Variants in UBXN2A observed in about 807,000 individuals in gnomAD.
The protein encoded by UBXN2A is UBX domain protein 2A, also known as UBX domain-containing protein 2A.
A neutral mutation model predicts 28.4 loss-of-function variants in UBXN2A; 28 were observed. The ratio of observed to expected loss-of-function variants is 0.99; its 90% CI spans 0.73 to 1.35. The LOEUF is 1.35. UBXN2A is among the 40% of genes most tolerant of loss of function. UBXN2A has a pLI of 0.00. For missense variants in UBXN2A, 253 were observed against 297.9 expected, an observed-to-expected ratio of 0.85 and a Z score of 1.11; for synonymous variants, 97 against 103.6, an observed-to-expected ratio of 0.94 and a Z score of 0.39.
chr2:23,962,987 A>G (rs981476703), intron 2 of UBXN2A, among the ~76,000 whole-genome samples: 3 of 152,340 alleles, frequency 2.0e-5, no homozygotes, highest in African/African-American at 7.2e-5. Context: ...AAGGAAGAGC[A>G]AGTTACATCT....
At chr2:23,948,276 A>G (rs1174334873) in intron 1 of UBXN2A, among the ~76,000 whole-genome samples, 8 of 134,980 alleles carry the variant, frequency 5.9e-5, no homozygotes, top group African/African-American at 2.2e-4. Context: ...TTTTTGAGAC[A>G]GAGTCTCACT....
intron 1 of UBXN2A, among the ~76,000 whole-genome samples, chr2:23,932,530 A>C (rs1386740647): frequency 6.6e-6 from 1 of 151,360 alleles, no homozygotes; most frequent in East Asian, 1.9e-4. Flanking sequence ...CAACACTGAC[A>C]CTAAGAGTGG....
rs188023064 is a variant in UBXN2A at position 23,962,646 on chromosome 2, C to T, written c.41+4291C>T. Reference sequence around the variant, plus strand: ...TTGAGACGGAGTTTCGCTCTTGTTGCCCAGGCTGGAGTGCAATGATGCAGT... The same window carrying T: ...TTGAGACGGAGTTTCGCTCTTGTTGTCCAGGCTGGAGTGCAATGATGCAGT... On this transcript the variant is annotated intron_variant, in intron 2 of 6. Coordinates refer to ENST00000309033, the MANE Select transcript of UBXN2A (RefSeq NM_181713.4). Among the ~76,000 whole-genome samples, 225 of 136,076 alleles carry T rather than the reference C, an allele frequency of 1.7e-3. 2 individuals are homozygous for T. Among genetic ancestry groups the T allele is most frequent in the African/African-American group, 5.4e-3 (198 of 36,488 alleles). The allele number at this position is 136,076 out of a possible 152,430, so 89.3% of individuals were successfully genotyped here.
At chr2:23,944,088 G>A (rs1306353347) in intron 1 of UBXN2A, 4 of 669,172 alleles carry the variant, frequency 6.0e-6, no homozygotes, top group South Asian at 1.5e-5. Context: ...TTTGAGCACA[G>A]GGGTCTCTTT....
At chr2:23,947,139 T>TGA (rs1706127332) in intron 1 of UBXN2A, among the ~76,000 whole-genome samples, 1 of 152,166 alleles carries the variant, frequency 6.6e-6, no homozygotes. Context: ...TCCCACCACC[T>TGA]GAGCCTCCTA....
chr2:23,949,945 A>G lies in UBXN2A; in HGVS notation c.-14-8356A>G, dbSNP rs556656721. Among the ~76,000 whole-genome samples, 55 of 152,070 alleles carry G rather than the reference A, an allele frequency of 3.6e-4. No homozygotes were observed. In the South Asian group the frequency reaches 1.0e-2, roughly 28 times the overall value. On this transcript the variant is annotated intron_variant, in intron 1 of 6. Transcript: ENST00000309033. The stretch of plus-strand genomic sequence containing the variant: ...ATTTTGTTACATGGATATATTGTAC[A>G]GTAGTAAAGTCAGAGCTTTTAATGT...
intron 3 of UBXN2A, among the ~76,000 whole-genome samples, chr2:23,975,372 T>G (rs1379476341): frequency 6.6e-6 from 1 of 152,190 alleles, no homozygotes; most frequent in Non-Finnish European, 1.5e-5. Context: ...TACTTCTTTT[T>G]CTAACTACAT....
intron 1 of UBXN2A, among the ~76,000 whole-genome samples, chr2:23,932,326 T>TGG (rs200832747): frequency 4.0e-4 from 42 of 105,364 alleles, no homozygotes; most frequent in African/African-American, 1.4e-3. Context: ...CCCTCCGTCT[T>TGG]GGGGGAAAAA....
At chr2:23,975,828 G>A (rs1707635414) in intron 3 of UBXN2A, among the ~76,000 whole-genome samples, 1 of 152,048 alleles carries the variant, frequency 6.6e-6, no homozygotes, top group Non-Finnish European at 1.5e-5. Context: ...GTTTCTCCAT[G>A]TTGGTCAGGC....
intron 2 of UBXN2A, among the ~76,000 whole-genome samples, chr2:23,962,583 G>A (rs984693331): frequency 7.4e-5 from 11 of 147,676 alleles, no homozygotes; most frequent in African/African-American, 2.7e-4. Flanking sequence ...AAAGTAAGAG[G>A]TTTTTTTTTC....
upstream of UBXN2A, among the ~76,000 whole-genome samples, chr2:23,940,251 T>A (rs6729507): frequency 6.6e-6 from 1 of 151,842 alleles, no homozygotes; most frequent in Admixed American, 6.5e-5. Flanking sequence ...GTAAGCACAC[T>A]CTGGGTTCTC....
At chr2:23,986,819 G>A (rs899771961) in intron 6 of UBXN2A, among the ~76,000 whole-genome samples, 1 of 152,120 alleles carries the variant, frequency 6.6e-6, no homozygotes, top group African/African-American at 2.4e-5. Context: ...TATTGCCCAG[G>A]CTGGTCTCAA....
chr2:23,930,903 A>G (rs1284250484), intron 1 of UBXN2A, among the ~76,000 whole-genome samples: 1 of 152,188 alleles, frequency 6.6e-6, no homozygotes, highest in Non-Finnish European at 1.5e-5. Flanking sequence ...ACAGTGGCTC[A>G]CGCCTGTAAT....
chr2:23,931,930 G>C (rs543654082), intron 1 of UBXN2A, among the ~76,000 whole-genome samples: 47 of 152,034 alleles, frequency 3.1e-4, no homozygotes, highest in Non-Finnish European at 5.1e-4. Flanking sequence ...AGAATCACTT[G>C]AACCCAGGAG....
At chr2:23,979,912 ATTTTC>A (rs1454190218) in intron 4 of UBXN2A, among the ~76,000 whole-genome samples, 1 of 150,348 alleles carries the variant, frequency 6.7e-6, no homozygotes, top group Non-Finnish European at 1.5e-5. Flanking sequence ...ATTTTTGACT[ATTTTC>A]TTTTATTTAT....
intron 1 of UBXN2A, chr2:23,944,384 C>T (rs1383870205): frequency 6.9e-5 from 95 of 1,371,174 alleles, no homozygotes; most frequent in Non-Finnish European, 9.6e-5. Context: ...TCTTCCTACA[C>T]ATTATTGTAT....
upstream of UBXN2A, among the ~76,000 whole-genome samples, chr2:23,937,343 G>A (rs1007605780): frequency 6.6e-6 from 1 of 152,036 alleles, no homozygotes; most frequent in Non-Finnish European, 1.5e-5. Context: ...CCAGGGGTTC[G>A]AGACCAGCCT....
At chr2:23,947,250 C>T (rs1706132473) in intron 1 of UBXN2A, among the ~76,000 whole-genome samples, 1 of 152,182 alleles carries the variant, frequency 6.6e-6, no homozygotes, top group Non-Finnish European at 1.5e-5. Context: ...ACTGGCCTTT[C>T]CTGTTAGTGG....
chr2:23,973,473 G>A (rs754300300), intron 3 of UBXN2A, among the ~76,000 whole-genome samples: 9 of 151,036 alleles, frequency 6.0e-5, no homozygotes, highest in Non-Finnish European at 8.8e-5. Context: ...CGAGTAGCCC[G>A]GACTACAAGC....
Sources: gnomAD v4.1 joint callset for allele counts (sites outside exome capture counted in the v4.1 genomes callset) on GRCh38, gnomAD v4.1.1 for gene constraint, MANE v1.5 for transcripts, NCBI Gene and HGNC (gene_info 2026-07-23, HGNC 2026-07-21) for gene names.